Variants in BTBD7 observed in about 807,000 individuals in gnomAD.
BTBD7 encodes BTB/POZ domain-containing protein 7.
BTBD7 carries 38 observed loss-of-function variants against 99.9 expected under a neutral mutation model. The ratio of observed to expected loss-of-function variants is 0.38; its 90% confidence interval spans 0.29 to 0.50. BTBD7 has a LOEUF of 0.50. Ranked by LOEUF, BTBD7 falls within the 20% of genes least tolerant of loss-of-function variation. The pLI, the probability that BTBD7 is intolerant of heterozygous loss-of-function variation, is 0.93. For missense variants in BTBD7, 1,170 were observed against 1,394.6 expected, an observed-to-expected ratio of 0.84 and a Z score of 2.57; for synonymous variants, 520 against 511.4, an observed-to-expected ratio of 1.02 and a Z score of -0.23.
intron 3 of BTBD7, among the ~76,000 whole-genome samples, chr14:93,280,614 A>G (rs1412854798): frequency 1.3e-5 from 2 of 152,234 alleles, no homozygotes; most frequent in African/African-American, 4.8e-5. Flanking sequence ...GTTTTAGTGC[A>G]AAGAATCGTA....
At chr14:93,325,118 T>A (rs1317288806) in intron 1 of BTBD7, among the ~76,000 whole-genome samples, 4 of 146,876 alleles carry the variant, frequency 2.7e-5, no homozygotes, top group African/African-American at 1.0e-4. Flanking sequence ...TTTTTTTTTT[T>A]TTTTTTTTTT....
At chr14:93,264,926 C>T (rs1475072210) in intron 3 of BTBD7, among the ~76,000 whole-genome samples, 2 of 152,026 alleles carry the variant, frequency 1.3e-5, no homozygotes, top group South Asian at 2.1e-4. Flanking sequence ...ATGGTGAAAC[C>T]CAGTCTCTAC....
chr14:93,322,750 T>TCAGAATCATCCAATACA, intron 1 of BTBD7, among the ~76,000 whole-genome samples: 1 of 152,230 alleles, frequency 6.6e-6, no homozygotes, highest in Admixed American at 6.5e-5. Flanking sequence ...ATACATCCTT[T>TCAGAATCATCCAATACA]CAGAATCATC....
At chr14:93,257,460 T>C in intron 5 of BTBD7, 105 bp from the exon 6 acceptor site, 10 of 1,001,962 alleles carry the variant, frequency 1.0e-5, no homozygotes, top group South Asian at 4.6e-5. Flanking sequence ...TATAGACTTA[T>C]GTGCCTCTGC....
In BTBD7 at chr14:93,240,345, G is replaced by T. The variant is rs2052210403; in HGVS notation, c.*1928C>A. The T allele has an allele frequency of 6.6e-6, 1 of 152,664 alleles. No individual in the cohort carries two copies. The highest frequency in any genetic ancestry group is 2.4e-5 in the African/African-American group (1 of 41,452). 9.5% of individuals were successfully genotyped at this position (152,664 alleles called of 1,614,324 possible). A position where few individuals can be genotyped will look rare whatever the true frequency, so the allele number is the denominator to read the frequency against. ...ACTGTTCGGCTTTTCTAAAATGTCA[G>T]ATTATTCCTGAGTGTATATCCACAG... On this transcript the variant is annotated 3_prime_UTR_variant, in exon 11 of 11. Transcript: ENST00000334746.
At chr14:93,322,358 A>G (rs28432775) in intron 1 of BTBD7, among the ~76,000 whole-genome samples, 11,968 of 152,036 alleles carry the variant, frequency 0.079, 1,013 homozygotes, top group African/African-American at 0.21. Flanking sequence ...GACTCAAGTG[A>G]TCCTTTTGCC....
At chr14:93,315,286 G>A (rs778235368) in intron 1 of BTBD7, among the ~76,000 whole-genome samples, 2 of 152,090 alleles carry the variant, frequency 1.3e-5, no homozygotes, top group Non-Finnish European at 2.9e-5. Context: ...CAAGTCATTT[G>A]GTATACTAAC....
Position 93,332,861 on chromosome 14 carries a change from C to A in BTBD7, c.-148G>T. 6.8e-7 allele frequency: 1 copy of A among 1,475,460 alleles called. No individual in the cohort carries two copies. Among genetic ancestry groups the A allele is most frequent in the African/African-American group, 1.5e-5 (1 of 68,254 alleles). 91.4% of individuals were successfully genotyped at this position (1,475,460 alleles called of 1,614,324 possible). A position where few individuals can be genotyped will look rare whatever the true frequency, so the allele number is the denominator to read the frequency against. ...GCCGCTGCTGCTGCCGCTGGGACCG[C>A]TGCCGTCGCCTCCGCCGCCGCCGCC... On this transcript the variant is annotated 5_prime_UTR_variant, in exon 1 of 11. Transcript: ENST00000334746.
chr14:93,316,463 G>A (rs565007408), intron 1 of BTBD7, among the ~76,000 whole-genome samples: 3 of 151,962 alleles, frequency 2.0e-5, no homozygotes, highest in Admixed American at 6.6e-5. Flanking sequence ...TATAAAGGTT[G>A]GTCTTGAACT....
chr14:93,251,429 C>A, intron 8 of BTBD7, 34 bp downstream of exon 8: 1 of 1,509,376 alleles, frequency 6.6e-7, no homozygotes, highest in African/African-American at 1.4e-5. Flanking sequence ...ATAAATTATT[C>A]ATTTAAATAT....
intron 3 of BTBD7, among the ~76,000 whole-genome samples, chr14:93,281,504 T>C (rs2052719740): frequency 6.6e-6 from 1 of 152,242 alleles, no homozygotes. Context: ...TAAACACTTT[T>C]AGTATTATCT....
At chr14:93,243,393 A>G (rs2052262185) in intron 10 of BTBD7, among the ~76,000 whole-genome samples, 1 of 151,938 alleles carries the variant, frequency 6.6e-6, no homozygotes, top group African/African-American at 2.4e-5. Context: ...CGGGGTTTCA[A>G]TGTGTTAGCC....
intron 1 of BTBD7, among the ~76,000 whole-genome samples, chr14:93,305,956 C>T (rs1281077714): frequency 2.6e-5 from 4 of 152,160 alleles, no homozygotes; most frequent in Non-Finnish European, 5.9e-5. Context: ...ATTATGGTGG[C>T]CCCACCCTGA....
chr14:93,283,700 C>T (rs1007977315), intron 3 of BTBD7, among the ~76,000 whole-genome samples: 5 of 152,130 alleles, frequency 3.3e-5, no homozygotes, highest in East Asian at 1.9e-4. Context: ...TACAGGTGTG[C>T]GCCACCATGC....
chr14:93,328,713 C>A (rs1183745281), intron 1 of BTBD7, among the ~76,000 whole-genome samples: 1 of 150,170 alleles, frequency 6.7e-6, no homozygotes, highest in Admixed American at 6.6e-5. Context: ...TCCAAAAGTT[C>A]GAGACCAGCC....
intron 3 of BTBD7, among the ~76,000 whole-genome samples, chr14:93,281,629 T>C (rs1595307785): frequency 6.6e-6 from 1 of 152,338 alleles, no homozygotes; most frequent in East Asian, 1.9e-4. Context: ...CCAAGGTTTA[T>C]TAAGTATGAA....
chr14:93,242,399 C>T lies in BTBD7; in HGVS notation c.3273G>A (p.Leu1091=). ...CATGGCCCAGGGACTCACTGTCTGC[C>T]AGTCTTCTACCGGATCTCTCTTCGG... ...EAPEERSGRR[L]ADSESLGHGA... is the part of the protein sequence containing the mutation. Residue 1091 remains leucine (L), a synonymous_variant, in exon 11 of 11, where the codon CTG becomes CTA. Coordinates refer to ENST00000334746, the MANE Select transcript of BTBD7 (RefSeq NM_001002860.4). The T allele has an allele frequency of 1.9e-6, 3 of 1,614,202 alleles. No individual in the cohort carries two copies. Among genetic ancestry groups the T allele is most frequent in the Non-Finnish European group, 2.5e-6 (3 of 1,180,032 alleles).
chr14:93,243,180 A>G, intron 10 of BTBD7, 92 bp from the exon 11 acceptor site: 1 of 1,236,958 alleles, frequency 8.1e-7, no homozygotes, highest in Non-Finnish European at 1.1e-6. Flanking sequence ...CCAATTATAA[A>G]ATTAACACAT....
intron 1 of BTBD7, among the ~76,000 whole-genome samples, chr14:93,299,696 A>G (rs1019401189): frequency 6.6e-6 from 1 of 152,100 alleles, no homozygotes; most frequent in African/African-American, 2.4e-5. Flanking sequence ...TGAATGCAAG[A>G]AAGACTAAAC....
Sources: gnomAD v4.1 joint callset for allele counts (sites outside exome capture counted in the v4.1 genomes callset) on GRCh38, gnomAD v4.1.1 for gene constraint, MANE v1.5 for transcripts, NCBI Gene and HGNC (gene_info 2026-07-23, HGNC 2026-07-21) for gene names.